STON2: variants seen among roughly 807,000 people sequenced by gnomAD.
STON2 encodes stonin-2.
In STON2, 29 loss-of-function variants were observed where a neutral mutation model predicts 65.7. The ratio of observed to expected loss-of-function variants is 0.44; its 90% CI spans 0.33 to 0.60. The LOEUF is 0.60. STON2 is among the 20% of genes least tolerant of loss of function. The pLI is 0.03. For missense variants in STON2, 1,054 were observed against 1,118.1 expected, an observed-to-expected ratio of 0.94 and a Z score of 0.82; for synonymous variants, 404 against 414.2, an observed-to-expected ratio of 0.98 and a Z score of 0.30.
rs919831788 is a variant in STON2 at position 81,393,052 on chromosome 14, T to C, written c.373+2842A>G. Among the ~76,000 whole-genome samples, 19 of 152,290 alleles carry C rather than the reference T, an allele frequency of 1.2e-4. 1 individual carries two copies. Among genetic ancestry groups the C allele is most frequent in the African/African-American group, 4.3e-4 (18 of 41,548 alleles). ...CAAGGTCTATGGGCCAGACTGTGAATTGCTGCCTTAAAGGGTAAAGCTTTC... is the reference window on the plus strand; with the variant it reads ...CAAGGTCTATGGGCCAGACTGTGAACTGCTGCCTTAAAGGGTAAAGCTTTC... On this transcript the variant is annotated intron_variant, in intron 3 of 7. Coordinates refer to ENST00000614646, the MANE Select transcript of STON2 (RefSeq NM_001394390.1).
Position 81,262,472 on chromosome 14 carries a change from T to TA in STON2, c.*5941dup. 1 of 983,460 alleles carries TA rather than the reference T, an allele frequency of 1.0e-6. No individual in the cohort carries two copies. The highest frequency in any genetic ancestry group is 1.2e-6 in the Non-Finnish European group (1 of 828,036). 60.9% of individuals were successfully genotyped at this position (983,460 alleles called of 1,614,324 possible). On this transcript the variant is annotated 3_prime_UTR_variant, in exon 8 of 8. Coordinates refer to ENST00000614646, the MANE Select transcript of STON2 (RefSeq NM_001394390.1). ...TATTTTTCCTGGAGCTTCTTACTTTTAACTTTAAGAGATGGCTTCTAGTTC... is the reference window on the plus strand; with the variant it reads ...TATTTTTCCTGGAGCTTCTTACTTTTAAACTTTAAGAGATGGCTTCTAGTTC...
intron 4 of STON2, among the ~76,000 whole-genome samples, chr14:81,356,183 T>A (rs1898221887): frequency 6.6e-6 from 1 of 152,228 alleles, no homozygotes. Context: ...ATACGTCCTA[T>A]CAATACCTAA....
intron 4 of STON2, among the ~76,000 whole-genome samples, chr14:81,346,768 G>T (rs951544890): frequency 2.0e-5 from 3 of 152,078 alleles, no homozygotes; most frequent in Admixed American, 6.6e-5. Context: ...TAAATAATTA[G>T]AGAAACATTG....
intron 5 of STON2, chr14:81,323,427 C>T (rs1245992187): frequency 1.4e-5 from 2 of 143,712 alleles, no homozygotes; most frequent in Non-Finnish European, 2.9e-5. Context: ...ACATTGAACA[C>T]AGACTTTTTT....
At chr14:81,377,133 A>G (rs72703737) in intron 3 of STON2, among the ~76,000 whole-genome samples, 2,134 of 152,270 alleles carry the variant, frequency 0.014, 23 homozygotes, top group South Asian at 0.043. Flanking sequence ...CTGCACTTTC[A>G]TAAGCATGCC....
upstream of STON2, among the ~76,000 whole-genome samples, chr14:81,402,945 C>T (rs1900677801): frequency 6.6e-6 from 1 of 152,176 alleles, no homozygotes; most frequent in Non-Finnish European, 1.5e-5. Flanking sequence ...CAAAGGATTC[C>T]TGAGAGCAGG....
intron 4 of STON2, among the ~76,000 whole-genome samples, chr14:81,345,449 A>G (rs906982530): frequency 6.6e-6 from 1 of 152,178 alleles, no homozygotes; most frequent in Non-Finnish European, 1.5e-5. Flanking sequence ...AACCAACTCT[A>G]CTGACACCTT....
At chr14:81,329,772 G>A (rs369748781) in intron 4 of STON2, among the ~76,000 whole-genome samples, 13 of 152,144 alleles carry the variant, frequency 8.5e-5, no homozygotes, top group African/African-American at 2.9e-4. Flanking sequence ...GTGGGAAAGA[G>A]AGAGAAGGGG....
chr14:81,307,490 G>A (rs1423489336), intron 5 of STON2, among the ~76,000 whole-genome samples: 3 of 152,190 alleles, frequency 2.0e-5, no homozygotes, highest in African/African-American at 7.2e-5. Flanking sequence ...AGAGAAATCT[G>A]GAATCCAAAT....
At chr14:81,390,254 G>A (rs568811903) in intron 3 of STON2, among the ~76,000 whole-genome samples, 38 of 151,716 alleles carry the variant, frequency 2.5e-4, no homozygotes, top group Admixed American at 7.2e-4. Context: ...AAAGACAACC[G>A]CAAGAGATGG....
intron 4 of STON2, among the ~76,000 whole-genome samples, chr14:81,363,577 A>G (rs1459314967): frequency 1.3e-5 from 2 of 152,156 alleles, no homozygotes; most frequent in Admixed American, 1.3e-4. Flanking sequence ...TAAGAACAGA[A>G]ATGAGGTCAA....
chr14:81,318,977 A>G (rs1324805657), intron 5 of STON2, among the ~76,000 whole-genome samples: 1 of 152,286 alleles, frequency 6.6e-6, no homozygotes, highest in Non-Finnish European at 1.5e-5. Flanking sequence ...GCTTAAAATG[A>G]GCTTGCACAC....
At chr14:81,315,400 T>C (rs1173981411) in intron 5 of STON2, among the ~76,000 whole-genome samples, 1 of 152,238 alleles carries the variant, frequency 6.6e-6, no homozygotes, top group African/African-American at 2.4e-5. Flanking sequence ...AGCCCCTGCT[T>C]TGTGCTGTCT....
Position 81,382,018 on chromosome 14 carries a change from G to C in STON2, c.374-10833C>G, listed in dbSNP as rs190615716. On this transcript the variant is annotated intron_variant, in intron 3 of 7. Transcript: ENST00000614646. ...GCGGATTACGAGGTCAGGAGTTTGC[G>C]ACCAGCCTGGCCAACACAGTGAAAC... Among the ~76,000 whole-genome samples the C allele has an allele frequency of 1.6e-3, 243 of 152,196 alleles. 1 individual carries two copies. The highest frequency in any genetic ancestry group is 5.5e-3 in the African/African-American group (228 of 41,534).
At chr14:81,426,079 C>T (rs778798659) in intron 2 of STON2, among the ~76,000 whole-genome samples, 16 of 152,208 alleles carry the variant, frequency 1.1e-4, no homozygotes, top group Non-Finnish European at 2.2e-4. Context: ...ACGAATGTCG[C>T]ACTTACTGAG....
intron 6 of STON2, among the ~76,000 whole-genome samples, chr14:81,273,385 C>T (rs1191408838): frequency 6.6e-6 from 1 of 152,130 alleles, no homozygotes; most frequent in Non-Finnish European, 1.5e-5. Context: ...TTAAAATTTC[C>T]CATACAAGGA....
At chr14:81,378,616 T>C (rs1033987078) in intron 3 of STON2, among the ~76,000 whole-genome samples, 1 of 152,232 alleles carries the variant, frequency 6.6e-6, no homozygotes, top group Non-Finnish European at 1.5e-5. Flanking sequence ...GTAAAAGTTT[T>C]TGAAATTTTA....
At chr14:81,364,593 T>G (rs920049267) in intron 4 of STON2, among the ~76,000 whole-genome samples, 1 of 152,172 alleles carries the variant, frequency 6.6e-6, no homozygotes, top group Admixed American at 6.6e-5. Context: ...AAGCTACATT[T>G]GTATATGTAT....
At chr14:81,431,823 T>C (rs1221982608) in intron 1 of STON2, among the ~76,000 whole-genome samples, 1 of 150,788 alleles carries the variant, frequency 6.6e-6, no homozygotes, top group Non-Finnish European at 1.5e-5. Flanking sequence ...TGGGTACCTG[T>C]AATCCCAGCT....
Sources: allele counts gnomAD v4.1 joint callset (sites outside exome capture counted in the v4.1 genomes callset), GRCh38; gene constraint gnomAD v4.1.1; transcripts MANE v1.5; gene names NCBI Gene and HGNC (gene_info 2026-07-23, HGNC 2026-07-21).